The following DDX10 variants were observed in gnomAD, a reference collection of about 807,000 sequenced individuals.
DDX10 encodes probable ATP-dependent RNA helicase DDX10.
Under a neutral mutation model 104.3 loss-of-function variants are expected in DDX10, and 74 were observed. That is an observed-to-expected ratio of 0.71 (90% confidence interval 0.59 to 0.86). The LOEUF (loss-of-function observed/expected upper bound fraction) is 0.86, where lower values mean the gene tolerates loss of function less well. Ranked by LOEUF, DDX10 falls within the 40% of genes least tolerant of loss-of-function variation. The pLI is 0.00. For missense variants in DDX10, 952 were observed against 1,040.0 expected (o/e 0.92, Z 1.16); for synonymous variants, 351 against 353.4 (o/e 0.99, Z 0.08).
intron 13 of DDX10, among the ~76,000 whole-genome samples, chr11:108,783,824 G>A (rs1591817217): frequency 1.3e-5 from 2 of 152,012 alleles, no homozygotes; most frequent in South Asian, 2.1e-4. Context: ...CCTCTCTCCC[G>A]CATTTAGTAG....
At chr11:108,914,387 C>T (rs1863718005) in intron 16 of DDX10, among the ~76,000 whole-genome samples, 1 of 152,178 alleles carries the variant, frequency 6.6e-6, no homozygotes, top group African/African-American at 2.4e-5. Context: ...GAGGCAGCCA[C>T]AGAGAGGGTA....
chr11:108,844,357 T>C (rs1224945477), intron 15 of DDX10, among the ~76,000 whole-genome samples: 1 of 152,204 alleles, frequency 6.6e-6, no homozygotes, highest in Admixed American at 6.5e-5. Context: ...AGTATTTTCA[T>C]TGGTAAACAC....
intron 10 of DDX10, among the ~76,000 whole-genome samples, chr11:108,710,326 T>C (rs2094282471): frequency 1.3e-5 from 2 of 152,204 alleles, no homozygotes; most frequent in African/African-American, 4.8e-5. Flanking sequence ...AACTTTCAGC[T>C]TCTTGATTCT....
intron 13 of DDX10, among the ~76,000 whole-genome samples, chr11:108,831,358 C>T (rs191813896): frequency 2.0e-4 from 28 of 142,630 alleles, no homozygotes; most frequent in African/African-American, 6.7e-4. Flanking sequence ...GAGCTGAGAT[C>T]GAGCCACTGC....
intron 17 of DDX10, among the ~76,000 whole-genome samples, chr11:108,935,375 A>G (rs988189062): frequency 6.6e-6 from 1 of 152,200 alleles, no homozygotes; most frequent in East Asian, 1.9e-4. Flanking sequence ...AGGCAGGCTT[A>G]TACCAGATCA....
intron 13 of DDX10, among the ~76,000 whole-genome samples, chr11:108,749,841 G>C (rs529685936): frequency 7.2e-5 from 11 of 152,180 alleles, no homozygotes; most frequent in African/African-American, 2.4e-4. Context: ...AAGAAACTTA[G>C]GTAAAACAAG....
chr11:108,711,989 G>T (rs2094285091), intron 10 of DDX10, among the ~76,000 whole-genome samples: 1 of 152,194 alleles, frequency 6.6e-6, no homozygotes, highest in Admixed American at 6.5e-5. Flanking sequence ...ATGCTGTATT[G>T]TTAGGAGCCT....
Position 108,728,059 on chromosome 11 carries a change from A to G in DDX10, c.1965+4597A>G, listed in dbSNP as rs187733402. Among the ~76,000 whole-genome samples, 4 of 152,174 alleles carry G rather than the reference A, an allele frequency of 2.6e-5. No individual in the cohort carries two copies. The East Asian group carries it at 7.7e-4, about 29-fold the overall frequency. Reference sequence around the variant, plus strand: ...AGAAAAATGAAAAAAGAAAAAAAAAACCCAGAAAGCACACACAGTATACAA... The same window carrying G: ...AGAAAAATGAAAAAAGAAAAAAAAAGCCCAGAAAGCACACACAGTATACAA... On this transcript the variant is annotated intron_variant, in intron 13 of 17. Coordinates refer to ENST00000322536, the MANE Select transcript of DDX10 (RefSeq NM_004398.4).
chr11:108,824,104 G>A (rs750778808), intron 13 of DDX10, among the ~76,000 whole-genome samples: 1 of 152,100 alleles, frequency 6.6e-6, no homozygotes, highest in Non-Finnish European at 1.5e-5. Flanking sequence ...GTGCAATGGC[G>A]CAATCTTGGC....
intron 13 of DDX10, among the ~76,000 whole-genome samples, chr11:108,772,554 G>C (rs898560091): frequency 2.0e-5 from 3 of 152,194 alleles, no homozygotes; most frequent in African/African-American, 7.2e-5. Flanking sequence ...GGCTTTGTTA[G>C]CAACACTTGG....
At chr11:108,743,638 C>T (rs959316479) in intron 13 of DDX10, among the ~76,000 whole-genome samples, 19 of 152,114 alleles carry the variant, frequency 1.2e-4, no homozygotes, top group African/African-American at 4.6e-4. Flanking sequence ...AGTGCTGTTC[C>T]GCACTTAAGT....
At chr11:108,907,754 A>C (rs1863616599) in intron 16 of DDX10, among the ~76,000 whole-genome samples, 1 of 152,224 alleles carries the variant, frequency 6.6e-6, no homozygotes, top group Non-Finnish European at 1.5e-5. Context: ...TTCAGCCAGT[A>C]TATATTAGAG....
intron 3 of DDX10, chr11:108,675,936 T>C: frequency 1.8e-6 from 1 of 561,702 alleles, no homozygotes. Context: ...TGGCAGGCAC[T>C]CAATAACTTA....
intron 13 of DDX10, among the ~76,000 whole-genome samples, chr11:108,780,641 A>G (rs1054293619): frequency 6.6e-6 from 1 of 152,206 alleles, no homozygotes; most frequent in Admixed American, 6.5e-5. Context: ...AAAGGATGCT[A>G]TTTTATAACA....
rs1366385002 is a variant in DDX10 at position 108,692,015 on chromosome 11, C to T, written c.1115C>T (p.Thr372Ile). The change falls in exon 8 of 18, where the codon ACT (threonine) becomes ATT (isoleucine). Residue 372 changes from threonine (T) to isoleucine (I), a missense_variant. Thr to Ile is a moderately conservative substitution (Grantham distance 89). This residue lies in a region of DDX10 where 412 missense variants were observed against 479.2 expected (regional missense o/e 0.86). Coordinates refer to ENST00000322536, the MANE Select transcript of DDX10 (RefSeq NM_004398.4). Reference sequence around the variant, plus strand: ...AAGAGAGCTGCAGTACTCTTTGCTACTGATATTGCAGCCAGGGGTCTGGGT... The same window carrying T: ...AAGAGAGCTGCAGTACTCTTTGCTATTGATATTGCAGCCAGGGGTCTGGGT... ...VRKRAAVLFA[T>I]DIAARGLDFP... The T allele has an allele frequency of 6.2e-7, 1 of 1,611,500 alleles. No individual in the cohort carries two copies. The highest frequency in any genetic ancestry group is 8.5e-7 in the Non-Finnish European group (1 of 1,178,942).
At chr11:108,797,372 T>G (rs1452536050) in intron 13 of DDX10, among the ~76,000 whole-genome samples, 2 of 152,204 alleles carry the variant, frequency 1.3e-5, no homozygotes, top group Non-Finnish European at 2.9e-5. Flanking sequence ...GGTATTCAAT[T>G]ACGGCAGCGC....
intron 13 of DDX10, among the ~76,000 whole-genome samples, chr11:108,757,106 G>A (rs1235842626): frequency 7.0e-6 from 1 of 142,046 alleles, no homozygotes; most frequent in Non-Finnish European, 1.5e-5. Flanking sequence ...GCGCTGCTGA[G>A]GAAGGCGCTG....
chr11:108,846,864 A>G (rs1862726515), intron 15 of DDX10, among the ~76,000 whole-genome samples: 1 of 150,310 alleles, frequency 6.7e-6, no homozygotes, highest in Non-Finnish European at 1.5e-5. Flanking sequence ...ATATAGTTTA[A>G]TGGCATCACT....
chr11:108,687,060 C>T (rs1043869677), intron 6 of DDX10, among the ~76,000 whole-genome samples: 2 of 152,164 alleles, frequency 1.3e-5, no homozygotes, highest in African/African-American at 2.4e-5. Context: ...GCTGGGATTA[C>T]AGGCATGAGT....
Sources: gnomAD v4.1 joint callset for allele counts (sites outside exome capture counted in the v4.1 genomes callset) on GRCh38, gnomAD v4.1.1 for gene constraint, gnomAD v4.1.1 regional missense constraint, MANE v1.5 for transcripts, NCBI Gene and HGNC (gene_info 2026-07-23, HGNC 2026-07-21) for gene names.